POLR3B: variants seen among roughly 807,000 people sequenced by gnomAD.
POLR3B encodes DNA-directed RNA polymerase III subunit RPC2.
Under a neutral mutation model 147.4 loss-of-function variants are expected in POLR3B, and 96 were observed. The ratio of observed to expected loss-of-function variants is 0.65; its 90% CI spans 0.55 to 0.77. The LOEUF (loss-of-function observed/expected upper bound fraction) is 0.77. Among genes scored for constraint, POLR3B ranks in the 30% least tolerant of loss-of-function variants. The probability of loss-of-function intolerance (pLI) is 0.00; values close to 1 mark genes in which losing one functional copy is unlikely to be tolerated. For missense variants in POLR3B, 1,036 were observed against 1,413.5 expected (o/e 0.73, Z 4.28); for synonymous variants, 461 against 485.9 (o/e 0.95, Z 0.67).
intron 6 of POLR3B, among the ~76,000 whole-genome samples, chr12:106,373,328 G>A (rs1309739252): frequency 6.6e-6 from 1 of 152,112 alleles, no homozygotes; most frequent in Non-Finnish European, 1.5e-5. Context: ...TTTGATGATT[G>A]TACATTTATC....
At chr12:106,501,300 A>G (rs752450168) in intron 25 of POLR3B, 23 bp from the exon 26 acceptor site, 1 of 1,495,150 alleles carries the variant, frequency 6.7e-7, no homozygotes, top group South Asian at 1.1e-5. Context: ...TTCTTAACCC[A>G]CAACAATTGA....
chr12:106,404,731 T>A (rs1325356254), intron 10 of POLR3B, among the ~76,000 whole-genome samples: 1 of 152,166 alleles, frequency 6.6e-6, no homozygotes, highest in East Asian at 1.9e-4. Flanking sequence ...TCTTTTAATT[T>A]TGAAAAAACT....
chr12:106,368,594 C>T (rs1010890150), intron 4 of POLR3B, among the ~76,000 whole-genome samples: 14 of 152,064 alleles, frequency 9.2e-5, no homozygotes, highest in African/African-American at 3.4e-4. Context: ...TAACTCATAC[C>T]TCTGAGAGAT....
chr12:106,440,763 G>A (rs12312644), intron 18 of POLR3B, among the ~76,000 whole-genome samples: 65 of 149,524 alleles, frequency 4.3e-4, no homozygotes, highest in African/African-American at 1.6e-3. Context: ...TATTACCATA[G>A]AGTAAAATTG....
intron 9 of POLR3B, among the ~76,000 whole-genome samples, chr12:106,388,770 A>C (rs10861593): frequency 0.21 from 31,664 of 152,106 alleles, 3,474 homozygotes; most frequent in African/African-American, 0.23. Context: ...ATATTTTAAG[A>C]AGTTATTTCC....
chr12:106,400,763 G>T (rs942044759), intron 10 of POLR3B, among the ~76,000 whole-genome samples: 152 of 152,168 alleles, frequency 1.0e-3, no homozygotes, highest in Admixed American at 5.9e-3. Context: ...AATAAAGATG[G>T]TCTTTGAAAC....
At chr12:106,404,048 G>T (rs959280694) in intron 10 of POLR3B, among the ~76,000 whole-genome samples, 42 of 150,992 alleles carry the variant, frequency 2.8e-4, no homozygotes, top group Non-Finnish European at 4.6e-4. Context: ...CAAAATGATT[G>T]TACCATTTTG....
rs71072675 is a variant in POLR3B, at chr12:106,405,539, TACAC to T, written c.847-280_847-277del. Among the ~76,000 whole-genome samples, 13,037 of 142,598 alleles carry T rather than the reference TACAC, an allele frequency of 0.091. 624 individuals are homozygous for T. The highest frequency in any genetic ancestry group is 0.14 in the Middle Eastern group (39 of 280). 93.5% of individuals were successfully genotyped at this position (142,598 alleles called of 152,430 possible). On this transcript the variant is annotated intron_variant, in intron 10 of 27. Transcript: ENST00000228347. ...GAAGGACTGATGGCTGCTATATGTC[TACAC>T]ACACACACACACACACACACACACA...
intron 12 of POLR3B, among the ~76,000 whole-genome samples, chr12:106,422,428 T>C (rs1057273256): frequency 2.0e-5 from 3 of 152,222 alleles, no homozygotes; most frequent in African/African-American, 7.2e-5. Flanking sequence ...ATGAACCAAT[T>C]AAACCTCTTT....
intron 11 of POLR3B, among the ~76,000 whole-genome samples, chr12:106,408,185 G>A (rs1404314935): frequency 6.6e-6 from 1 of 152,202 alleles, no homozygotes; most frequent in African/African-American, 2.4e-5. Context: ...ACATAAATAA[G>A]TACTACAGAG....
rs372517855 is a variant in POLR3B at position 106,444,550 on chromosome 12, G to A, written c.2043G>A (p.Pro681=). ...CATACCCTCACCATAACCAGTCACCGAGAAACACTTATCAGTGTGCCATGG... is the reference window on the plus strand; with the variant it reads ...CATACCCTCACCATAACCAGTCACCAAGAAACACTTATCAGTGTGCCATGG... The part of the protein sequence containing the change: ...LIPYPHHNQS[P]RNTYQCAMGK... The change falls in exon 19 of 28, where the codon CCG becomes CCA. Residue 681 remains proline (P), a synonymous_variant. Transcript: ENST00000228347. 10 of 1,613,886 alleles carry A rather than the reference G, an allele frequency of 6.2e-6. No individual in the cohort carries two copies. The East Asian group carries it at 6.7e-5, about 11-fold the overall frequency.
intron 22 of POLR3B, among the ~76,000 whole-genome samples, chr12:106,461,586 C>G (rs1485351795): frequency 1.3e-5 from 2 of 152,308 alleles, no homozygotes; most frequent in Middle Eastern, 3.4e-3. Context: ...AATCTTCTTG[C>G]AGACTGGGAC....
chr12:106,455,311 C>T (rs1281294529), intron 20 of POLR3B, among the ~76,000 whole-genome samples: 1 of 152,138 alleles, frequency 6.6e-6, no homozygotes, highest in Non-Finnish European at 1.5e-5. Flanking sequence ...TTCATAATCT[C>T]GATTTCTCTT....
At chr12:106,367,868 T>G (rs1267182268) in intron 4 of POLR3B, among the ~76,000 whole-genome samples, 39 of 152,212 alleles carry the variant, frequency 2.6e-4, no homozygotes, top group Admixed American at 2.6e-3. Context: ...TAGCATACAT[T>G]GATGATTCTT....
rs2037232069 is a variant in POLR3B at position 106,411,870 on chromosome 12, A to AT, written c.1101+916dup. The stretch of plus-strand genomic sequence containing the variant: ...GCAAGTAACTAAAAAGCTCCAGTTA[A>AT]TTTTTTAGTTTAGATATTGTATTTT... On this transcript the variant is annotated intron_variant, in intron 12 of 27. Coordinates refer to ENST00000228347, the MANE Select transcript of POLR3B (RefSeq NM_018082.6). 2.0e-5 allele frequency among the ~76,000 whole-genome samples: 3 copies of AT among 152,304 alleles called. No homozygotes were observed. The South Asian group carries it at 6.2e-4, about 32-fold the overall frequency.
At chr12:106,479,420 G>A (rs542718044) in intron 23 of POLR3B, among the ~76,000 whole-genome samples, 15 of 147,164 alleles carry the variant, frequency 1.0e-4, no homozygotes, top group African/African-American at 2.0e-4. Flanking sequence ...TTGCTGTGTC[G>A]CCCGGGCTGG....
chr12:106,449,605 A>G (rs953200975), intron 19 of POLR3B, among the ~76,000 whole-genome samples: 4 of 152,246 alleles, frequency 2.6e-5, no homozygotes, highest in South Asian at 2.1e-4. Flanking sequence ...TATTAAGGAA[A>G]TGATAAGGAA....
At position 106,504,378 on chromosome 12, in the gene POLR3B, C is replaced by G; in HGVS notation, c.3272+124C>G. On this transcript the variant is annotated intron_variant, in intron 27 of 27. Transcript: ENST00000228347. This position sits in a 1 kb window ranked among gnomAD's most constrained non-coding sequence, Gnocchi z 4.6. The stretch of plus-strand genomic sequence containing the variant: ...TGTCTGTGATCACTAACATACCCTC[C>G]CTCATGCATGTATTCCTGTCATTGG... The G allele has an allele frequency of 1.3e-6, 1 of 794,048 alleles. No homozygotes were observed. Among genetic ancestry groups the G allele is most frequent in the Non-Finnish European group, 2.2e-6 (1 of 447,710 alleles). 49.2% of individuals were successfully genotyped at this position (794,048 alleles called of 1,614,324 possible).
chr12:106,435,277 G>T (rs755494390), intron 16 of POLR3B, among the ~76,000 whole-genome samples: 1 of 147,234 alleles, frequency 6.8e-6, no homozygotes, highest in Non-Finnish European at 1.5e-5. Flanking sequence ...CCCAGTAGCT[G>T]GGATTACAGG....
Sources: gnomAD v4.1 joint callset for allele counts (sites outside exome capture counted in the v4.1 genomes callset) on GRCh38, gnomAD v4.1.1 for gene constraint, Gnocchi (gnomAD v3.1) non-coding constraint, MANE v1.5 for transcripts, NCBI Gene and HGNC (gene_info 2026-07-23, HGNC 2026-07-21) for gene names.